CNBD1: variants seen among roughly 807,000 people sequenced by gnomAD.
The protein encoded by CNBD1 is cyclic nucleotide-binding domain-containing protein 1.
In CNBD1, 71 loss-of-function variants were observed where a neutral mutation model predicts 54.4. The observed-to-expected ratio is 1.30, with a 90% confidence interval of 1.08 to 1.59. CNBD1 has a LOEUF of 1.59. Among genes scored for constraint, CNBD1 ranks in the 40% most tolerant of loss-of-function variants. The pLI is 0.00. For synonymous variants in CNBD1, 182 were observed against 170.7 expected, an observed-to-expected ratio of 1.07 and a Z score of -0.51; for missense variants, 659 against 518.0, an observed-to-expected ratio of 1.27 and a Z score of -2.64.
chr8:86,915,449 T>G (rs1809168896), intron 3 of CNBD1, among the ~76,000 whole-genome samples: 1 of 152,180 alleles, frequency 6.6e-6, no homozygotes, highest in Non-Finnish European at 1.5e-5. Flanking sequence ...TGGTCTCCCA[T>G]TAGCTTTACA....
At chr8:86,971,554 G>A (rs1318752291) in intron 4 of CNBD1, among the ~76,000 whole-genome samples, 3 of 152,032 alleles carry the variant, frequency 2.0e-5, no homozygotes, top group Non-Finnish European at 4.4e-5. Context: ...TTACTATTCC[G>A]AAAATGTATT....
At chr8:87,104,209 G>T in intron 4 of CNBD1, among the ~76,000 whole-genome samples, 1 of 152,178 alleles carries the variant, frequency 6.6e-6, no homozygotes, top group East Asian at 1.9e-4. Flanking sequence ...TGGACTGGAG[G>T]TCCTAGCAAG....
In CNBD1 at chr8:87,339,451, A is replaced by T. The variant is rs537830141; in HGVS notation, c.1043-12234A>T. On this transcript the variant is annotated intron_variant, in intron 8 of 10. Coordinates refer to ENST00000518476, the MANE Select transcript of CNBD1 (RefSeq NM_173538.3). ...TTTTGATTGTCTGTTTTGTGTATCA[A>T]TCTCTCCAATTTCTGGGGCAGTGGT... 2.6e-5 allele frequency among the ~76,000 whole-genome samples: 4 copies of T among 151,688 alleles called. No homozygotes were observed. In the South Asian group the frequency reaches 8.3e-4, roughly 31 times the overall value.
chr8:87,077,409 C>CT (rs1229734582), intron 4 of CNBD1, among the ~76,000 whole-genome samples: 3 of 128,242 alleles, frequency 2.3e-5, no homozygotes, highest in African/African-American at 9.2e-5. Context: ...TCTTCTTCTT[C>CT]TTCTTTTTTT....
intron 6 of CNBD1, among the ~76,000 whole-genome samples, chr8:87,265,769 A>T (rs1808243172): frequency 6.6e-6 from 1 of 152,154 alleles, no homozygotes; most frequent in African/African-American, 2.4e-5. Flanking sequence ...TGTGACAGAA[A>T]CTATATGGTC....
chr8:86,968,007 G>A (rs963614647), intron 4 of CNBD1, among the ~76,000 whole-genome samples: 3 of 151,934 alleles, frequency 2.0e-5, no homozygotes, highest in Non-Finnish European at 2.9e-5. Context: ...TGAGCTTGTG[G>A]GCCTGGACTG....
chr8:87,087,086 A>G (rs1811108731), intron 4 of CNBD1, among the ~76,000 whole-genome samples: 1 of 151,324 alleles, frequency 6.6e-6, no homozygotes, highest in Admixed American at 6.6e-5. Context: ...ATTGATTTAA[A>G]TTACAGGACT....
intron 4 of CNBD1, among the ~76,000 whole-genome samples, chr8:87,057,990 T>C (rs893130005): frequency 6.6e-6 from 1 of 152,170 alleles, no homozygotes; most frequent in Non-Finnish European, 1.5e-5. Context: ...CTTTTGCTTA[T>C]GAGCCTGTAA....
chr8:87,263,587 G>A (rs1197926506), intron 6 of CNBD1, among the ~76,000 whole-genome samples: 2 of 152,012 alleles, frequency 1.3e-5, no homozygotes, highest in South Asian at 2.1e-4. Context: ...ACATAGAATA[G>A]TATGACATCC....
intron 4 of CNBD1, among the ~76,000 whole-genome samples, chr8:86,959,410 A>G (rs6415426): frequency 0.95 from 143,986 of 152,294 alleles, 68,173 homozygotes; most frequent in East Asian, 1. Flanking sequence ...TGCTAGGTTG[A>G]GGAAGTTCTC....
chr8:87,238,541 T>C (rs956198141), intron 6 of CNBD1, among the ~76,000 whole-genome samples: 14 of 152,186 alleles, frequency 9.2e-5, no homozygotes, highest in African/African-American at 3.4e-4. Flanking sequence ...CACTTCTCCA[T>C]CAGGGCCCTA....
intron 2 of CNBD1, among the ~76,000 whole-genome samples, chr8:86,897,038 A>T (rs1808857228): frequency 6.6e-6 from 1 of 152,214 alleles, no homozygotes; most frequent in South Asian, 2.1e-4. Context: ...ATGTGGGAAA[A>T]GATCTGCTCT....
chr8:87,143,401 G>T (rs1027722254), intron 4 of CNBD1, among the ~76,000 whole-genome samples: 6 of 152,082 alleles, frequency 3.9e-5, no homozygotes, highest in African/African-American at 1.4e-4. Context: ...GTTCACTCAA[G>T]TCCCCTCAAA....
rs554925112 is a variant in CNBD1 at position 87,304,626 on chromosome 8, T to TA, written c.1042+17958dup. Among the ~76,000 whole-genome samples, 6 of 152,168 alleles carry TA rather than the reference T, an allele frequency of 3.9e-5. No individual in the cohort carries two copies. In the South Asian group the frequency reaches 1.2e-3, roughly 32 times the overall value. On this transcript the variant is annotated intron_variant, in intron 8 of 10. Transcript: ENST00000518476. The stretch of plus-strand genomic sequence containing the variant: ...CCTTGTGCAAATGTACCCTAGAACT[T>TA]AAAGTATAATAAAAATAAATAAATA...
In CNBD1 at chr8:87,044,856, G is replaced by A. The variant is rs564796982; in HGVS notation, c.431+105102G>A. On this transcript the variant is annotated intron_variant, in intron 4 of 10. Transcript: ENST00000518476. ...TTCTATGCGGGACCTTGGCTGCCTG[G>A]CCTACTTATCTGTACAGCTGCAGCC... 7.2e-5 allele frequency among the ~76,000 whole-genome samples: 11 copies of A among 152,236 alleles called. No individual in the cohort carries two copies. The South Asian group carries it at 2.3e-3, about 32-fold the overall frequency.
chr8:86,947,029 G>A (rs1208747214), intron 4 of CNBD1, among the ~76,000 whole-genome samples: 3 of 152,080 alleles, frequency 2.0e-5, no homozygotes, highest in Non-Finnish European at 4.4e-5. Context: ...CCAGGCTCAA[G>A]TCATACAATA....
intron 5 of CNBD1, among the ~76,000 whole-genome samples, chr8:87,217,221 A>G (rs1272591975): frequency 6.6e-6 from 1 of 152,172 alleles, no homozygotes; most frequent in Non-Finnish European, 1.5e-5. Context: ...ATGTGATTAT[A>G]TGGCACATTA....
At chr8:87,137,342 G>A (rs141556806) in intron 4 of CNBD1, among the ~76,000 whole-genome samples, 2,213 of 150,906 alleles carry the variant, frequency 0.015, 45 homozygotes, top group African/African-American at 0.05. Flanking sequence ...GACTACAGGC[G>A]CCAGCCACCA....
intron 8 of CNBD1, among the ~76,000 whole-genome samples, chr8:87,337,174 GC>G (rs777129656): frequency 1.5e-3 from 230 of 152,276 alleles, no homozygotes; most frequent in Non-Finnish European, 2.9e-3. Context: ...ATCTTACCCA[GC>G]TTGGTGGGAT....
Sources: gnomAD v4.1 joint callset for allele counts (sites outside exome capture counted in the v4.1 genomes callset) on GRCh38, gnomAD v4.1.1 for gene constraint, MANE v1.5 for transcripts, NCBI Gene and HGNC (gene_info 2026-07-23, HGNC 2026-07-21) for gene names.